Variants in GNAL observed in about 807,000 individuals in gnomAD.
The protein encoded by GNAL is guanine nucleotide-binding protein G(olf) subunit alpha.
GNAL carries 18 observed loss-of-function variants against 55.1 expected under a neutral mutation model. That is an observed-to-expected ratio of 0.33 (90% CI 0.23 to 0.48). The LOEUF (loss-of-function observed/expected upper bound fraction) is 0.48, where lower values mean the gene tolerates loss of function less well. GNAL is among the 20% of genes least tolerant of loss of function. GNAL has a pLI of 0.99. For missense variants in GNAL, 412 were observed against 614.1 expected, an observed-to-expected ratio of 0.67 and a Z score of 3.48; for synonymous variants, 253 against 237.0, an observed-to-expected ratio of 1.07 and a Z score of -0.62.
intron 1 of GNAL, among the ~76,000 whole-genome samples, chr18:11,718,170 CAG>C (rs1293042914): frequency 3.3e-5 from 5 of 151,808 alleles, no homozygotes; most frequent in Non-Finnish European, 7.4e-5. Context: ...TACATGTTCA[CAG>C]GGGAAAATTT....
chr18:11,782,522 G>A (rs11872939), intron 4 of GNAL, among the ~76,000 whole-genome samples: 17,642 of 152,098 alleles, frequency 0.12, 1,438 homozygotes, highest in African/African-American at 0.23. Context: ...TTTTTGAAAG[G>A]AGACAGAATG....
At chr18:11,718,339 C>T (rs1403841161) in intron 1 of GNAL, among the ~76,000 whole-genome samples, 4 of 152,052 alleles carry the variant, frequency 2.6e-5, no homozygotes, top group African/African-American at 9.7e-5. Flanking sequence ...TAGATATTGA[C>T]ATTTGATTTA....
intron 5 of GNAL, among the ~76,000 whole-genome samples, chr18:11,838,314 TATGGTATCATTTCATTTATATGAA>T (rs1487372075): frequency 1.3e-5 from 2 of 152,158 alleles, no homozygotes; most frequent in East Asian, 1.9e-4. Context: ...AAAGACCACA[TATGGTATCATTTCATTTATATGAA>T]ATGTCCAGAA....
chr18:11,794,305 A>G (rs1488779790), intron 4 of GNAL, among the ~76,000 whole-genome samples: 1 of 152,252 alleles, frequency 6.6e-6, no homozygotes, highest in East Asian at 1.9e-4. Context: ...ACTATTCACA[A>G]TAGCCAAAGG....
intron 4 of GNAL, among the ~76,000 whole-genome samples, chr18:11,809,074 A>G (rs111579540): frequency 2.6e-4 from 39 of 152,340 alleles, no homozygotes; most frequent in African/African-American, 8.9e-4. Context: ...CCTGGCCAAC[A>G]TGGCAAAACC....
chr18:11,862,796 TG>T (rs889502054), intron 6 of GNAL, among the ~76,000 whole-genome samples: 1 of 151,426 alleles, frequency 6.6e-6, no homozygotes, highest in Admixed American at 6.6e-5. Context: ...GCCCTGGGCC[TG>T]GGGGGTCCCA....
intron 4 of GNAL, among the ~76,000 whole-genome samples, chr18:11,761,774 A>C (rs1355894363): frequency 6.6e-6 from 1 of 152,234 alleles, no homozygotes; most frequent in Non-Finnish European, 1.5e-5. Context: ...AGAAAGGTGA[A>C]ATGCACCCTG....
chr18:11,795,623 C>G (rs2034358651), intron 4 of GNAL, among the ~76,000 whole-genome samples: 1 of 152,122 alleles, frequency 6.6e-6, no homozygotes, highest in South Asian at 2.1e-4. Context: ...GAGAGAAGTT[C>G]AGCTGAGACC....
intron 4 of GNAL, among the ~76,000 whole-genome samples, chr18:11,792,588 C>T (rs2034269237): frequency 6.6e-6 from 1 of 152,216 alleles, no homozygotes; most frequent in African/African-American, 2.4e-5. Flanking sequence ...TCGCCTTGTC[C>T]TAGACACATA....
chr18:11,697,559 G>GA lies in GNAL; in HGVS notation c.376+7630dup, dbSNP rs995828998. On this transcript the variant is annotated intron_variant, in intron 1 of 11. Transcript: ENST00000334049. ...GGGGAGAGAGCAAGACTCAGTCTCA[G>GA]AAAAAAAAAAGAGAGAGAGAGATGT... is the stretch of plus-strand genomic sequence containing the variant. Among the ~76,000 whole-genome samples, 138 of 147,352 alleles carry GA rather than the reference G, an allele frequency of 9.4e-4. 1 individual carries two copies. In the South Asian group the frequency reaches 0.019, roughly 20 times the overall value.
chr18:11,770,838 T>C (rs946133847), intron 4 of GNAL, among the ~76,000 whole-genome samples: 1 of 152,194 alleles, frequency 6.6e-6, no homozygotes, highest in Non-Finnish European at 1.5e-5. Flanking sequence ...AAAATAGTTC[T>C]TAAGGTGTTA....
chr18:11,875,998 A>C (rs771557889), intron 10 of GNAL, among the ~76,000 whole-genome samples: 1 of 152,202 alleles, frequency 6.6e-6, no homozygotes, highest in Non-Finnish European at 1.5e-5. Flanking sequence ...AATCCCATCC[A>C]TGAAGGCGGA....
chr18:11,741,088 G>A (rs756408258), intron 1 of GNAL, among the ~76,000 whole-genome samples: 5 of 152,250 alleles, frequency 3.3e-5, no homozygotes, highest in Non-Finnish European at 5.9e-5. Context: ...ACTGGGCAAA[G>A]AGATAATTAA....
At chr18:11,766,468 GCCCAGCACC>G (rs1196721121) in intron 4 of GNAL, among the ~76,000 whole-genome samples, 2 of 152,178 alleles carry the variant, frequency 1.3e-5, no homozygotes, top group Non-Finnish European at 2.9e-5. Context: ...GGCTGCTCCT[GCCCAGCACC>G]CCCAGAGTCC....
intron 5 of GNAL, among the ~76,000 whole-genome samples, chr18:11,841,456 GCCAAAATGGTGAAACC>G (rs907429994): frequency 6.6e-6 from 1 of 151,970 alleles, no homozygotes; most frequent in African/African-American, 2.4e-5. Context: ...GACCAGCCTG[GCCAAAATGGTGAAACC>G]CTGCCTTTAC....
chr18:11,753,215 A>G (rs2032919995), intron 2 of GNAL, among the ~76,000 whole-genome samples: 1 of 127,896 alleles, frequency 7.8e-6, no homozygotes, highest in Non-Finnish European at 1.6e-5. Context: ...ATATCTCGAT[A>G]TATTTTTTTC....
chr18:11,775,481 G>A (rs933015420), intron 4 of GNAL, among the ~76,000 whole-genome samples: 6 of 152,244 alleles, frequency 3.9e-5, no homozygotes, highest in East Asian at 1.9e-4. Flanking sequence ...TACGTGGCCC[G>A]TGTCACACAG....
chr18:11,734,131 CT>C (rs1025733934), intron 1 of GNAL, among the ~76,000 whole-genome samples: 2 of 150,408 alleles, frequency 1.3e-5, no homozygotes, highest in African/African-American at 4.9e-5. Flanking sequence ...GAGCAATAAG[CT>C]TTTCTTTTTC....
chr18:11,861,625 G>A (rs1252583975), intron 5 of GNAL, among the ~76,000 whole-genome samples: 6 of 152,278 alleles, frequency 3.9e-5, no homozygotes, highest in Middle Eastern at 3.4e-3. Context: ...CAGAGAGGGC[G>A]GGGGAGGCCT....
Sources: gnomAD v4.1 joint callset for allele counts (sites outside exome capture counted in the v4.1 genomes callset) on GRCh38, gnomAD v4.1.1 for gene constraint, MANE v1.5 for transcripts, NCBI Gene and HGNC (gene_info 2026-07-23, HGNC 2026-07-21) for gene names.